Variants in USP34 observed in about 807,000 individuals in gnomAD.
USP34 encodes the protein ubiquitin specific peptidase 34, also known as ubiquitin carboxyl-terminal hydrolase 34.
In USP34, 70 loss-of-function variants were observed where a neutral mutation model predicts 460.3. That is an observed-to-expected ratio of 0.15 (90% CI 0.13 to 0.19). USP34 has a LOEUF of 0.19. USP34 is among the 10% of genes least tolerant of loss of function. USP34 has a pLI of 1.00. For missense variants in USP34, 3,985 were observed against 4,236.2 expected, an observed-to-expected ratio of 0.94 and a Z score of 1.65; for synonymous variants, 1,647 against 1,405.3, an observed-to-expected ratio of 1.17 and a Z score of -3.85.
Position 61,343,354 on chromosome 2 carries a change from ACTCGCCC to A in USP34, c.2500+454_2500+460del, listed in dbSNP as rs1310083907. ...TTAGACTTGAACAATCATTTCTCAC[ACTCGCCC>A]CTCCTTATTCCCTCCTACCCTTCCC... On this transcript the variant is annotated intron_variant, in intron 16 of 79. Transcript: ENST00000398571. Among the ~76,000 whole-genome samples the A allele has an allele frequency of 2.6e-5, 4 of 151,568 alleles. No homozygotes were observed. In the South Asian group the frequency reaches 6.3e-4, roughly 24 times the overall value.
chr2:61,348,642 A>G, intron 14 of USP34, 114 bp downstream of exon 14: 1 of 1,449,492 alleles, frequency 6.9e-7, no homozygotes, highest in East Asian at 2.5e-5. Flanking sequence ...CAAAAATATT[A>G]CGTAAAGGAG....
intron 3 of USP34, among the ~76,000 whole-genome samples, chr2:61,405,017 G>A (rs1164542392): frequency 6.6e-6 from 1 of 151,814 alleles, no homozygotes; most frequent in African/African-American, 2.4e-5. Context: ...CATGAGGTCA[G>A]GAGATCGAGA....
intron 67 of USP34, chr2:61,220,046 A>G (rs1687513910): frequency 3.5e-6 from 1 of 285,562 alleles, no homozygotes; most frequent in Non-Finnish European, 6.3e-6. Context: ...AAACCTTTTT[A>G]TTCCCTTCAT....
intron 41 of USP34, among the ~76,000 whole-genome samples, chr2:61,277,149 C>T (rs555124982): frequency 6.6e-6 from 1 of 152,154 alleles, no homozygotes; most frequent in Admixed American, 6.5e-5. Flanking sequence ...CTTACTAATT[C>T]CACTGTATTA....
intron 1 of USP34, among the ~76,000 whole-genome samples, chr2:61,449,866 G>A (rs1695219706): frequency 2.0e-5 from 3 of 152,270 alleles, no homozygotes; most frequent in Admixed American, 2.0e-4. Flanking sequence ...AGGAGTGCGA[G>A]ACCAGCCTGG....
chr2:61,363,791 G>A (rs1371138203), intron 10 of USP34, among the ~76,000 whole-genome samples: 1 of 151,976 alleles, frequency 6.6e-6, no homozygotes, highest in Non-Finnish European at 1.5e-5. Flanking sequence ...ATATCCAAAA[G>A]GTGGAAACAA....
intron 2 of USP34, among the ~76,000 whole-genome samples, chr2:61,417,897 C>T (rs778594006): frequency 2.7e-5 from 4 of 149,350 alleles, no homozygotes; most frequent in African/African-American, 4.9e-5. Context: ...GAGCACCCCA[C>T]GCCTGGCTAA....
intron 75 of USP34, among the ~76,000 whole-genome samples, chr2:61,197,820 C>T (rs1224456259): frequency 6.6e-6 from 1 of 152,166 alleles, no homozygotes; most frequent in Non-Finnish European, 1.5e-5. Flanking sequence ...AGTGCAGTGG[C>T]TCCATCTCAG....
intron 76 of USP34, 51 bp from the exon 77 acceptor site, chr2:61,190,709 C>T (rs373785738): frequency 1.9e-5 from 30 of 1,557,706 alleles, no homozygotes; most frequent in African/African-American, 4.1e-5. Context: ...ACGGAAAAAA[C>T]TTACACGGAA....
intron 8 of USP34, among the ~76,000 whole-genome samples, chr2:61,371,066 G>T (rs1198419637): frequency 1.3e-5 from 2 of 152,180 alleles, no homozygotes; most frequent in African/African-American, 2.4e-5. Context: ...GAAAAGTGAA[G>T]TAACAGACAG....
chr2:61,387,636 A>T (rs191573753), intron 5 of USP34, among the ~76,000 whole-genome samples: 262 of 147,586 alleles, frequency 1.8e-3, no homozygotes, highest in Admixed American at 4.5e-3. Flanking sequence ...ACATATACAC[A>T]CATATATAAA....
At chr2:61,435,799 C>G (rs548110282) in intron 1 of USP34, among the ~76,000 whole-genome samples, 1 of 151,958 alleles carries the variant, frequency 6.6e-6, no homozygotes, top group Non-Finnish European at 1.5e-5. Flanking sequence ...GAGGCCACGA[C>G]GGGCAGATCA....
chr2:61,246,295 A>G (rs1375840810), intron 50 of USP34, 29 bp downstream of exon 50: 2 of 1,477,562 alleles, frequency 1.4e-6, no homozygotes, highest in African/African-American at 1.4e-5. Context: ...ATAAATTGTT[A>G]AAGAAGTTTT....
chr2:61,244,388 G>C (rs997915452), intron 51 of USP34, among the ~76,000 whole-genome samples: 3 of 152,162 alleles, frequency 2.0e-5, no homozygotes, highest in Non-Finnish European at 4.4e-5. Flanking sequence ...GCTGCAGTAG[G>C]TGGATTACTT....
chr2:61,346,601 C>G (rs892311224), intron 15 of USP34, among the ~76,000 whole-genome samples: 1 of 139,832 alleles, frequency 7.2e-6, no homozygotes, highest in South Asian at 2.3e-4. Context: ...TTTGGCAGGC[C>G]GAATCATAAG....
At chr2:61,441,196 CT>C (rs1398039212) in intron 1 of USP34, among the ~76,000 whole-genome samples, 2 of 148,160 alleles carry the variant, frequency 1.3e-5, no homozygotes, top group African/African-American at 5.0e-5. Flanking sequence ...CTAGAGTGTA[CT>C]TGCGATCATA....
intron 38 of USP34, among the ~76,000 whole-genome samples, chr2:61,280,699 A>T (rs1032635166): frequency 6.6e-6 from 1 of 152,200 alleles, no homozygotes. Context: ...AGACTAGTAT[A>T]TGAACTAGGG....
At chr2:61,426,748 T>TG (rs1694523148) in intron 1 of USP34, among the ~76,000 whole-genome samples, 1 of 152,152 alleles carries the variant, frequency 6.6e-6, no homozygotes, top group African/African-American at 2.4e-5. Flanking sequence ...CAGCAGGCCT[T>TG]GGGTGAGACC....
intron 62 of USP34, 38 bp from the exon 63 acceptor site, chr2:61,223,334 T>C: frequency 6.3e-7 from 1 of 1,588,334 alleles, no homozygotes; most frequent in Non-Finnish European, 8.6e-7. Flanking sequence ...TTTTTCTTCC[T>C]TCTGTATTAC....
Sources: gnomAD v4.1 joint callset for allele counts (sites outside exome capture counted in the v4.1 genomes callset) on GRCh38, gnomAD v4.1.1 for gene constraint, MANE v1.5 for transcripts, NCBI Gene and HGNC (gene_info 2026-07-23, HGNC 2026-07-21) for gene names.